The following ZNF566 variants were observed in gnomAD, a reference collection of about 807,000 sequenced individuals.
The protein encoded by ZNF566 is zinc finger protein 566.
Under a neutral mutation model 32.8 loss-of-function variants are expected in ZNF566, and 27 were observed. That is an observed-to-expected ratio of 0.82 (90% CI 0.61 to 1.14). The LOEUF is 1.14. Among genes scored for constraint, ZNF566 ranks in the 50% most tolerant of loss-of-function variants. ZNF566 has a pLI of 0.00. For missense variants in ZNF566, 402 were observed against 490.4 expected, an observed-to-expected ratio of 0.82 and a Z score of 1.70; for synonymous variants, 154 against 159.5, an observed-to-expected ratio of 0.97 and a Z score of 0.26.
intron 4 of ZNF566, among the ~76,000 whole-genome samples, chr19:36,458,052 G>T (rs1278596391): frequency 6.6e-6 from 1 of 152,146 alleles, no homozygotes; most frequent in Non-Finnish European, 1.5e-5. Flanking sequence ...AAACAGCATG[G>T]AGGTTTCTCA....
intron 1 of ZNF566, among the ~76,000 whole-genome samples, chr19:36,485,947 G>A (rs1002648468): frequency 2.6e-5 from 4 of 152,062 alleles, no homozygotes; most frequent in South Asian, 4.1e-4. Flanking sequence ...CCAGCTGCTC[G>A]GGAGGCTGAG....
intron 4 of ZNF566, among the ~76,000 whole-genome samples, chr19:36,469,450 G>A (rs1324196562): frequency 6.6e-6 from 1 of 152,094 alleles, no homozygotes; most frequent in Non-Finnish European, 1.5e-5. Flanking sequence ...TGAGGCAGGA[G>A]AATTGCTTGA....
At chr19:36,473,484 T>G (rs2033815650) in intron 2 of ZNF566, 26 bp from the exon 3 acceptor site, 8 of 1,508,988 alleles carry the variant, frequency 5.3e-6, no homozygotes, top group Non-Finnish European at 7.1e-6. Context: ...CGTATATGAC[T>G]TCATTAATTT....
rs908473333 is a variant in ZNF566 at position 36,446,727 on chromosome 19, T to G, written c.*2250A>C. ...CATTACAACAGTCCATTTTTAGTAA[T>G]TCTCTCATTTGCAGGTATTTTTGCT... On this transcript the variant is annotated 3_prime_UTR_variant, in exon 5 of 5. Coordinates refer to ENST00000452939, the MANE Select transcript of ZNF566 (RefSeq NM_001145344.1). 1.3e-5 allele frequency: 2 copies of G among 152,248 alleles called. No homozygotes were observed. The highest frequency in any genetic ancestry group is 4.8e-5 in the African/African-American group (2 of 41,474). The allele number at this position is 152,248 out of a possible 1,614,324, so 9.4% of individuals were successfully genotyped here.
At chr19:36,474,120 G>C (rs748775695) in intron 2 of ZNF566, among the ~76,000 whole-genome samples, 2 of 152,134 alleles carry the variant, frequency 1.3e-5, no homozygotes, top group African/African-American at 4.8e-5. Flanking sequence ...AGAGGATGTG[G>C]TCCACAAAAA....
At chr19:36,473,179 C>T in intron 3 of ZNF566, 153 bp downstream of exon 3, 1 of 1,118,534 alleles carries the variant, frequency 8.9e-7, no homozygotes, top group South Asian at 1.5e-5. Context: ...CTCAATGCAG[C>T]TTCCTTTTTC....
chr19:36,467,790 C>CAAAAAAAAAAAAAAAAA (rs560803094), intron 4 of ZNF566, among the ~76,000 whole-genome samples: 11 of 85,914 alleles, frequency 1.3e-4, no homozygotes, highest in South Asian at 4.3e-4. Context: ...GACTCCATCT[C>CAAAAAAAAAAAAAAAAA]AAAAAAAAAA....
intron 2 of ZNF566, 69 bp downstream of exon 2, chr19:36,476,480 G>C: frequency 1.4e-6 from 2 of 1,431,528 alleles, no homozygotes; most frequent in Middle Eastern, 1.8e-4. Context: ...TCATCATGAG[G>C]AAAGCAAATG....
chr19:36,474,263 T>C (rs1355454308), intron 2 of ZNF566, among the ~76,000 whole-genome samples: 1 of 152,182 alleles, frequency 6.6e-6, no homozygotes, highest in African/African-American at 2.4e-5. Context: ...CAAGTCTCTA[T>C]ATCAAAAGGA....
At chr19:36,464,954 A>G (rs898837843) in intron 4 of ZNF566, among the ~76,000 whole-genome samples, 1 of 152,228 alleles carries the variant, frequency 6.6e-6, no homozygotes, top group African/African-American at 2.4e-5. Context: ...TATCATAACG[A>G]AAGTGAATAA....
intron 4 of ZNF566, among the ~76,000 whole-genome samples, chr19:36,471,480 C>T (rs2033764120): frequency 6.6e-6 from 1 of 152,114 alleles, no homozygotes; most frequent in African/African-American, 2.4e-5. Flanking sequence ...TGAAGGTCTG[C>T]ATTCCTCCAT....
intron 1 of ZNF566, among the ~76,000 whole-genome samples, chr19:36,482,142 G>A (rs2034049226): frequency 6.6e-6 from 1 of 152,192 alleles, no homozygotes; most frequent in South Asian, 2.1e-4. Context: ...GTCTCGCTCT[G>A]TCGCCCAGGC....
At chr19:36,465,548 T>A (rs2041447236) in intron 4 of ZNF566, among the ~76,000 whole-genome samples, 1 of 152,206 alleles carries the variant, frequency 6.6e-6, no homozygotes, top group South Asian at 2.1e-4. Flanking sequence ...CTCAACTCAC[T>A]GTAAGCTCCG....
chr19:36,465,268 T>C (rs963696853), intron 4 of ZNF566, among the ~76,000 whole-genome samples: 3 of 152,168 alleles, frequency 2.0e-5, no homozygotes, highest in Admixed American at 1.3e-4. Flanking sequence ...GGAACAAAAG[T>C]ACTTCCAACG....
chr19:36,464,668 G>A (rs1437484271), intron 4 of ZNF566, among the ~76,000 whole-genome samples: 1 of 152,074 alleles, frequency 6.6e-6, no homozygotes, highest in Non-Finnish European at 1.5e-5. Flanking sequence ...TGCAGTCCTG[G>A]GAGGCTGAGG....
At chr19:36,484,245 T>C (rs573797341) in intron 1 of ZNF566, among the ~76,000 whole-genome samples, 8 of 152,326 alleles carry the variant, frequency 5.3e-5, no homozygotes, top group Non-Finnish European at 8.8e-5. Flanking sequence ...CTGCTGGGAT[T>C]AGCCAAGACT....
chr19:36,459,544 CTT>C (rs1218202446), intron 4 of ZNF566, among the ~76,000 whole-genome samples: 1 of 149,134 alleles, frequency 6.7e-6, no homozygotes, highest in East Asian at 2.0e-4. Flanking sequence ...CAGTTTTGCT[CTT>C]GTTGCCCAGA....
intron 4 of ZNF566, among the ~76,000 whole-genome samples, chr19:36,462,307 C>T (rs1268853262): frequency 6.6e-6 from 1 of 151,998 alleles, no homozygotes; most frequent in Non-Finnish European, 1.5e-5. Flanking sequence ...GTTTTTTGAA[C>T]TTGAACATAG....
At position 36,448,702 on chromosome 19, in the gene ZNF566, G is replaced by A. The variant is rs1191061545; in HGVS notation, c.*275C>T. 1.1e-5 allele frequency: 3 copies of A among 270,836 alleles called. No homozygotes were observed. The highest frequency in any genetic ancestry group is 9.8e-5 in the Admixed American group (2 of 20,444). 16.8% of individuals were successfully genotyped at this position (270,836 alleles called of 1,614,324 possible). On this transcript the variant is annotated 3_prime_UTR_variant, in exon 5 of 5. Transcript: ENST00000452939. ...TAAGAAGGTTAGAAAGGTGTTAAAAGTGCTGTCATTTTCAGTATGACAGAC... is the reference window on the plus strand; with the variant it reads ...TAAGAAGGTTAGAAAGGTGTTAAAAATGCTGTCATTTTCAGTATGACAGAC...
Sources: gnomAD v4.1 joint callset for allele counts (sites outside exome capture counted in the v4.1 genomes callset) on GRCh38, gnomAD v4.1.1 for gene constraint, MANE v1.5 for transcripts, NCBI Gene and HGNC (gene_info 2026-07-23, HGNC 2026-07-21) for gene names.